BCORL1: variants seen among roughly 807,000 people sequenced by gnomAD.
BCORL1 encodes the protein BCL6 corepressor like 1.
In BCORL1, 7 loss-of-function variants were observed where a neutral mutation model predicts 87.6. The ratio of observed to expected loss-of-function variants is 0.08; its 90% CI spans 0.05 to 0.15. The LOEUF is 0.15. Ranked by LOEUF, BCORL1 falls within the 10% of genes least tolerant of loss-of-function variation. The pLI is 1.00. For synonymous variants in BCORL1, 591 were observed against 634.4 expected, an observed-to-expected ratio of 0.93 and a Z score of 1.03; for missense variants, 1,215 against 1,499.7, an observed-to-expected ratio of 0.81 and a Z score of 3.13.
intron 1 of BCORL1, among the ~76,000 whole-genome samples, chrX:129,986,710 T>A (rs1926652821): frequency 9.0e-6 from 1 of 110,881 alleles, no homozygotes; most frequent in Non-Finnish European, 1.9e-5. Context: ...TCCTAGCTAC[T>A]TGGGAGGTGG....
At chrX:130,041,014 C>T (rs935226973) in intron 11 of BCORL1, among the ~76,000 whole-genome samples, 1 of 110,708 alleles carries the variant, frequency 9.0e-6, no homozygotes, top group African/African-American at 3.3e-5. Flanking sequence ...CTCTTTGCTT[C>T]CCCAATCCCT....
chrX:130,017,217 G>A (rs893412680), intron 4 of BCORL1, among the ~76,000 whole-genome samples: 1 of 110,768 alleles, frequency 9.0e-6, no homozygotes, highest in Non-Finnish European at 1.9e-5. Flanking sequence ...CTGCCCCATC[G>A]CCCAAAGCTC....
At chrX:130,038,392 C>T (rs749961873) in intron 10 of BCORL1, among the ~76,000 whole-genome samples, 2 of 110,873 alleles carry the variant, frequency 1.8e-5, no homozygotes, top group South Asian at 3.8e-4. Context: ...TTCTGCCTGG[C>T]GTGTGGAGCC....
intron 11 of BCORL1, among the ~76,000 whole-genome samples, chrX:130,045,949 C>G (rs927110873): frequency 9.0e-6 from 1 of 110,714 alleles, no homozygotes; most frequent in African/African-American, 3.3e-5. Context: ...AAGAATTTAT[C>G]GAGATGAAAT....
intron 11 of BCORL1, among the ~76,000 whole-genome samples, chrX:130,041,482 C>T (rs1430641770): frequency 2.7e-5 from 3 of 111,249 alleles, no homozygotes; most frequent in Non-Finnish European, 5.7e-5. Flanking sequence ...TACAGGCATT[C>T]GCCACTATGC....
intron 1 of BCORL1, among the ~76,000 whole-genome samples, chrX:130,002,143 G>C (rs181466976): frequency 9.1e-6 from 1 of 109,919 alleles, no homozygotes; most frequent in Non-Finnish European, 1.9e-5. Context: ...AAGTAAGCTA[G>C]GAAACACGCT....
intron 11 of BCORL1, among the ~76,000 whole-genome samples, chrX:130,050,192 G>A (rs1931988029): frequency 1.8e-5 from 2 of 111,058 alleles, no homozygotes; most frequent in Admixed American, 1.9e-4. Flanking sequence ...AGCACTTTGG[G>A]AGGCCGAGGT....
chrX:130,021,287 G>A, intron 5 of BCORL1, 137 bp downstream of exon 5: 10 of 1,063,278 alleles, frequency 9.4e-6, no homozygotes, highest in African/African-American at 2.0e-5. Context: ...AAGAAGATAT[G>A]ATTGACCCCT....
At chrX:130,035,477 A>G (rs1156505195) in intron 9 of BCORL1, among the ~76,000 whole-genome samples, 1 of 111,941 alleles carries the variant, frequency 8.9e-6, no homozygotes, top group African/African-American at 3.3e-5. Context: ...TCCTCAGGGT[A>G]TGCTCCTAGC....
chrX:129,999,445 A>G (rs1395653803), intron 1 of BCORL1, among the ~76,000 whole-genome samples: 4 of 101,833 alleles, frequency 3.9e-5, no homozygotes, highest in Admixed American at 1.1e-4. Context: ...AGTAGCAGGG[A>G]CCACAGGTTT....
Position 130,012,583 on chromosome X carries a change from C to T in BCORL1, c.92C>T (p.Ala31Val), listed in dbSNP as rs2124436471. Residue 31 changes from alanine (A) to valine (V), a missense_variant, in exon 3 of 14, where the codon GCA becomes GTA. This residue lies in a region of BCORL1 where 861 missense variants were observed against 1,010.0 expected (regional missense o/e 0.85). Coordinates refer to ENST00000540052, the MANE Select transcript of BCORL1 (RefSeq NM_001379451.1). ...GGTTGTATCTTCCATGCTAGAAGAG[C>T]ACCTCTTTCTGATGAGGAGTCAACG... ...RMCGINEERR[A>V]PLSDEESTTG... 1 of 1,207,625 alleles carries T rather than the reference C, an allele frequency of 8.3e-7. No homozygotes were observed.
chrX:129,991,600 C>G (rs1014030623), intron 1 of BCORL1, among the ~76,000 whole-genome samples: 2 of 108,900 alleles, frequency 1.8e-5, no homozygotes, highest in Non-Finnish European at 3.8e-5. Context: ...TCTTAACTTC[C>G]CAAAGTGCTG....
At chrX:129,984,473 C>T (rs1473498572) in intron 1 of BCORL1, among the ~76,000 whole-genome samples, 2 of 111,110 alleles carry the variant, frequency 1.8e-5, no homozygotes, top group African/African-American at 3.3e-5. Flanking sequence ...CGACTGGCCT[C>T]GTGGGCTTGG....
rs1331756509 is a variant in BCORL1, at chrX:130,043,930, C to T, written c.4840+4648C>T. On this transcript the variant is annotated intron_variant, in intron 11 of 13. Transcript: ENST00000540052. ...GACTACAGTCGCCCGCCACCATGCC[C>T]GGCTAATTTTTTTTGTATTTTTAGT... Among the ~76,000 whole-genome samples, 79 of 103,179 alleles carry T rather than the reference C, an allele frequency of 7.7e-4. 1 individual carries two copies. The highest frequency in any genetic ancestry group is 2.2e-3 in the South Asian group (5 of 2,224). The allele number at this position is 103,179 out of a possible 115,157, so 89.6% of individuals were successfully genotyped here.
chrX:130,054,267 G>T (rs1250910923), intron 13 of BCORL1, among the ~76,000 whole-genome samples: 4 of 112,312 alleles, frequency 3.6e-5, no homozygotes, highest in Admixed American at 2.8e-4. Flanking sequence ...GTGAACCACA[G>T]TTTAAGGTTC....
intron 11 of BCORL1, among the ~76,000 whole-genome samples, chrX:130,050,470 T>C (rs771357096): frequency 1.4e-4 from 15 of 107,281 alleles, no homozygotes; most frequent in South Asian, 1.2e-3. Flanking sequence ...CAAATTGGGA[T>C]TTTTTTTTTC....
At chrX:130,027,033 C>A (rs1468601621) in intron 7 of BCORL1, among the ~76,000 whole-genome samples, 3 of 113,297 alleles carry the variant, frequency 2.6e-5, no homozygotes, top group African/African-American at 9.6e-5. Flanking sequence ...GGCAGAGCCA[C>A]TTCCACTCAC....
intron 1 of BCORL1, among the ~76,000 whole-genome samples, chrX:129,988,135 C>T (rs886463955): frequency 7.2e-5 from 8 of 111,593 alleles, no homozygotes; most frequent in African/African-American, 1.6e-4. Flanking sequence ...ATCTACTTTT[C>T]GGCCACTAGG....
At chrX:130,040,111 C>T (rs759825384) in intron 11 of BCORL1, among the ~76,000 whole-genome samples, 18 of 112,034 alleles carry the variant, frequency 1.6e-4, no homozygotes, top group Non-Finnish European at 2.8e-4. Context: ...GCCTGAGCGG[C>T]GGAGCAGCTG....
Sources: allele counts gnomAD v4.1 joint callset (sites outside exome capture counted in the v4.1 genomes callset), GRCh38; gene constraint gnomAD v4.1.1; regional missense constraint gnomAD v4.1.1; transcripts MANE v1.5; gene names NCBI Gene and HGNC (gene_info 2026-07-23, HGNC 2026-07-21).